EIF4G3: variants seen among roughly 807,000 people sequenced by gnomAD.
EIF4G3 encodes eIF-4-gamma 3.
Under a neutral mutation model 186.4 loss-of-function variants are expected in EIF4G3, and 34 were observed. That is an observed-to-expected ratio of 0.18 (90% CI 0.14 to 0.24). The LOEUF (loss-of-function observed/expected upper bound fraction) is 0.24. Among genes scored for constraint, EIF4G3 ranks in the 10% least tolerant of loss-of-function variants. The pLI is 1.00. For synonymous variants in EIF4G3, 673 were observed against 679.5 expected (o/e 0.99, Z 0.15); for missense variants, 1,536 against 1,948.5 (o/e 0.79, Z 3.99).
chr1:21,039,317 C>T (rs1202559604), intron 4 of EIF4G3, among the ~76,000 whole-genome samples: 1 of 152,170 alleles, frequency 6.6e-6, no homozygotes, highest in Admixed American at 6.5e-5. Context: ...TAGTTCCATT[C>T]TGTGAGAGAA....
intron 2 of EIF4G3, among the ~76,000 whole-genome samples, chr1:21,170,100 A>G (rs7540935): frequency 0.97 from 147,150 of 152,148 alleles, 71,349 homozygotes; most frequent in East Asian, 1. Context: ...ACTTGAATCC[A>G]GGAGGCGGAG....
At chr1:21,095,532 CAA>C (rs1352980503) in intron 2 of EIF4G3, among the ~76,000 whole-genome samples, 1 of 152,108 alleles carries the variant, frequency 6.6e-6, no homozygotes, top group African/African-American at 2.4e-5. Flanking sequence ...AGGCTAGTCT[CAA>C]ACTCCTGGGC....
chr1:21,089,006 T>A, intron 3 of EIF4G3, 132 bp downstream of exon 3: 2 of 620,128 alleles, frequency 3.2e-6, no homozygotes, highest in Admixed American at 5.6e-5. Flanking sequence ...GGCCTATCAT[T>A]CTATTCAGAA....
chr1:20,870,169 T>A (rs947637649), intron 20 of EIF4G3, among the ~76,000 whole-genome samples: 1 of 152,116 alleles, frequency 6.6e-6, no homozygotes, highest in Non-Finnish European at 1.5e-5. Context: ...AAGGCTGACT[T>A]GTCATGTCTG....
intron 12 of EIF4G3, among the ~76,000 whole-genome samples, chr1:20,952,609 G>T (rs1450606445): frequency 6.6e-6 from 1 of 152,162 alleles, no homozygotes; most frequent in Non-Finnish European, 1.5e-5. Context: ...AGCACTCTGG[G>T]AGGCCAAGGC....
intron 2 of EIF4G3, among the ~76,000 whole-genome samples, chr1:21,170,106 C>T (rs923231693): frequency 1.3e-5 from 2 of 152,032 alleles, no homozygotes; most frequent in Admixed American, 1.3e-4. Flanking sequence ...ATCCAGGAGG[C>T]GGAGGTTGAA....
rs542445733 is a variant in EIF4G3, at chr1:21,162,670, C to G, written c.-272+13505G>C. Among the ~76,000 whole-genome samples the G allele has an allele frequency of 1.3e-3, 192 of 152,166 alleles. 1 individual carries two copies. Among genetic ancestry groups the G allele is most frequent in the African/African-American group, 4.4e-3 (182 of 41,514 alleles). The stretch of plus-strand genomic sequence containing the variant: ...AGGAAGGACAGGAGAATTGCTTGAA[C>G]CTGGGAGGCAGAGGTTGCAGTGAGC... On this transcript the variant is annotated intron_variant, in intron 2 of 36. Coordinates refer to ENST00000602326, the MANE Select transcript of EIF4G3 (RefSeq NM_001391906.1).
intron 3 of EIF4G3, among the ~76,000 whole-genome samples, chr1:21,077,603 G>T (rs536264704): frequency 4.0e-5 from 6 of 150,416 alleles, no homozygotes; most frequent in Admixed American, 4.0e-4. Context: ...AAAACGGGCC[G>T]GGCGTGGTGG....
rs1356109377 is a variant in EIF4G3 at position 21,050,857 on chromosome 1, T to A, written c.-67+9A>T. The A allele has an allele frequency of 2.9e-6, 2 of 693,252 alleles. No homozygotes were observed. Among genetic ancestry groups the A allele is most frequent in the Non-Finnish European group, 5.3e-6 (2 of 379,382 alleles). The allele number at this position is 693,252 out of a possible 1,614,324, so 42.9% of individuals were successfully genotyped here. A position where few individuals can be genotyped will look rare whatever the true frequency, so the allele number is the denominator to read the frequency against. ...CATTTCTTATTTTTTTAAAAAAGGT[T>A]TATCTTACTTGAGAGAGTCCAGGGG... is the stretch of plus-strand genomic sequence containing the variant. On this transcript the variant is annotated intron_variant, in intron 4 of 36. Transcript: ENST00000602326.
chr1:21,062,560 T>C lies in EIF4G3; in HGVS notation c.-195-11566A>G, dbSNP rs139404422. Among the ~76,000 whole-genome samples the C allele has an allele frequency of 1.3e-3, 204 of 152,256 alleles. 4 individuals are homozygous for C. In the South Asian group the frequency reaches 0.029, roughly 22 times the overall value. ...ACGGAGAAGACGTAAGCAGTAGATA[T>C]ATCCACAGATATAGATATAGATACA... On this transcript the variant is annotated intron_variant, in intron 3 of 36. Transcript: ENST00000602326.
intron 2 of EIF4G3, among the ~76,000 whole-genome samples, chr1:21,128,410 T>C (rs113305809): frequency 1.1e-3 from 160 of 150,862 alleles, no homozygotes; most frequent in African/African-American, 3.8e-3. Flanking sequence ...CACAGGAGGC[T>C]GAGGCAGCAG....
At chr1:20,839,909 C>CA (rs58331252) in intron 30 of EIF4G3, among the ~76,000 whole-genome samples, 111,388 of 128,456 alleles carry the variant, frequency 0.87, 48,719 homozygotes, top group East Asian at 0.97. Flanking sequence ...ATGAGCTTGG[C>CA]AAAAAAAAAA....
In EIF4G3 at chr1:20,840,958, T is replaced by C. The variant is rs370229268; in HGVS notation, c.3959A>G (p.Glu1320Gly). Residue 1320 changes from glutamate to glycine, a missense_variant, in exon 30 of 37, where the codon GAG (glutamate) becomes GGG (glycine). Glu to Gly is a moderately conservative substitution (Grantham distance 98). Transcript: ENST00000602326. ...LLHVFVRVGV[E>G]STLERSQITR... The stretch of plus-strand genomic sequence containing the variant: ...GATCTGGCTCCTTTCCAGGGTGGAC[T>C]CCACTCCCACTCTCACAAAAACATG... 2.3e-5 allele frequency: 37 copies of C among 1,614,004 alleles called. No individual in the cohort carries two copies. Among genetic ancestry groups the C allele is most frequent in the Non-Finnish European group, 2.9e-5 (34 of 1,180,008 alleles).
chr1:21,110,560 G>C (rs2096706479), intron 2 of EIF4G3, among the ~76,000 whole-genome samples: 1 of 152,156 alleles, frequency 6.6e-6, no homozygotes, highest in Non-Finnish European at 1.5e-5. Context: ...CTTCCAAAGT[G>C]CTAGGATTAC....
intron 7 of EIF4G3, among the ~76,000 whole-genome samples, chr1:20,986,971 G>A (rs987920242): frequency 6.6e-6 from 1 of 152,036 alleles, no homozygotes; most frequent in African/African-American, 2.4e-5. Context: ...TCTCATTTGA[G>A]GCAGTATTTT....
Position 20,973,004 on chromosome 1 carries a change from T to C in EIF4G3, c.589A>G (p.Thr197Ala). 1.3e-6 allele frequency: 2 copies of C among 1,593,146 alleles called. No individual in the cohort carries two copies. The highest frequency in any genetic ancestry group is 1.7e-6 in the Non-Finnish European group (2 of 1,173,572). ...AAAAAGTAATAAAAATCTCTTACAG[T>C]TTTTTTCTCTCTCTTGGCTGGAGGC... ...QPPPAKREKK[T>A]IRIRDPNQGG... Residue 197 changes from threonine (T) to alanine (A), a missense_variant and splice_region_variant, in exon 11 of 37, where the codon ACT becomes GCT. Transcript: ENST00000602326.
chr1:20,957,053 GT>G (rs1286879312), intron 12 of EIF4G3, among the ~76,000 whole-genome samples: 1 of 152,134 alleles, frequency 6.6e-6, no homozygotes, highest in Non-Finnish European at 1.5e-5. Context: ...ATGAAATATT[GT>G]TTTTTCTTTA....
At chr1:21,145,139 C>T (rs2097415764) in intron 2 of EIF4G3, among the ~76,000 whole-genome samples, 1 of 152,004 alleles carries the variant, frequency 6.6e-6, no homozygotes, top group Admixed American at 6.6e-5. Flanking sequence ...TGAGTACCAA[C>T]CATATCTGTA....
At chr1:21,001,537 CAAGT>C (rs1417829712) in intron 5 of EIF4G3, among the ~76,000 whole-genome samples, 1 of 151,296 alleles carries the variant, frequency 6.6e-6, no homozygotes, top group African/African-American at 2.5e-5. Flanking sequence ...ATCTCAGGCC[CAAGT>C]AAGTCAAGTG....
Sources: gnomAD v4.1 joint callset for allele counts (sites outside exome capture counted in the v4.1 genomes callset) on GRCh38, gnomAD v4.1.1 for gene constraint, MANE v1.5 for transcripts, NCBI Gene and HGNC (gene_info 2026-07-23, HGNC 2026-07-21) for gene names.